The following ADK variants were observed in gnomAD, a reference collection of about 807,000 sequenced individuals.
The protein encoded by ADK is N6,N6-dimethyladenosine kinase.
ADK carries 24 observed loss-of-function variants against 44.7 expected under a neutral mutation model. That is an observed-to-expected ratio of 0.54 (90% CI 0.39 to 0.76). The LOEUF (loss-of-function observed/expected upper bound fraction) is 0.76, where lower values mean the gene tolerates loss of function less well. ADK is among the 30% of genes least tolerant of loss of function. The pLI, the probability that ADK is intolerant of heterozygous loss-of-function variation, is 0.00. For missense variants in ADK, 321 were observed against 425.1 expected (o/e 0.76, Z 2.15); for synonymous variants, 128 against 142.6 (o/e 0.90, Z 0.73).
intron 3 of ADK, among the ~76,000 whole-genome samples, chr10:74,233,593 G>A (rs1844858672): frequency 6.6e-6 from 1 of 152,146 alleles, no homozygotes; most frequent in Non-Finnish European, 1.5e-5. Context: ...TATAGGAGAG[G>A]AAATTAGGGG....
At chr10:74,555,855 G>T (rs1038438398) in intron 7 of ADK, among the ~76,000 whole-genome samples, 1 of 152,080 alleles carries the variant, frequency 6.6e-6, no homozygotes, top group African/African-American at 2.4e-5. Context: ...ACTTGAGTTG[G>T]TCCTAACAGT....
chr10:74,631,568 A>G (rs1025900276), intron 9 of ADK, among the ~76,000 whole-genome samples: 1 of 151,702 alleles, frequency 6.6e-6, no homozygotes, highest in Non-Finnish European at 1.5e-5. Flanking sequence ...CTGTGTATAT[A>G]TTTTTAAAAC....
At position 74,400,802 on chromosome 10, in the gene ADK, A is replaced by G. The variant is rs16931425; in HGVS notation, c.555+2223A>G. Among the ~76,000 whole-genome samples the G allele has an allele frequency of 4.9e-3, 747 of 152,202 alleles. 5 individuals are homozygous for G. Among genetic ancestry groups the G allele is most frequent in the African/African-American group, 0.017 (703 of 41,526 alleles). On this transcript the variant is annotated intron_variant, in intron 6 of 10. Coordinates refer to ENST00000539909, the MANE Select transcript of ADK (RefSeq NM_006721.4). The stretch of plus-strand genomic sequence containing the variant: ...TAACTAAAACATCTGTCTGCATCAC[A>G]TAAGCTAAACCAGATCTACATACTC...
chr10:74,550,318 G>A lies in ADK; in HGVS notation c.726+24892G>A, dbSNP rs546534733. The stretch of plus-strand genomic sequence containing the variant: ...ACTCCTGACCTCAGGCGATCCTCCC[G>A]CCTCAGCCTCCCAAAGTACTGGGAT... On this transcript the variant is annotated intron_variant, in intron 7 of 10. Transcript: ENST00000539909. Among the ~76,000 whole-genome samples the A allele has an allele frequency of 4.0e-5, 6 of 151,820 alleles. No individual in the cohort carries two copies. The East Asian group carries it at 5.8e-4, about 15-fold the overall frequency.
At position 74,274,167 on chromosome 10, in the gene ADK, G is replaced by A. The variant is rs922853559; in HGVS notation, c.195-40500G>A. Among the ~76,000 whole-genome samples, 11 of 152,070 alleles carry A rather than the reference G, an allele frequency of 7.2e-5. 1 individual carries two copies. The highest frequency in any genetic ancestry group is 7.2e-4 in the Admixed American group (11 of 15,272). On this transcript the variant is annotated intron_variant, in intron 3 of 10. Transcript: ENST00000539909. ...AACTTAACTATTAATAATCTACTGT[G>A]TACCAGAAGTCCTACCAGTAACATA...
At chr10:74,525,209 CTG>C in intron 6 of ADK, 45 bp from the exon 7 acceptor site, 1 of 1,549,304 alleles carries the variant, frequency 6.5e-7, no homozygotes. Context: ...CTGAGAGTGA[CTG>C]TGGAGATGGT....
At chr10:74,296,640 C>G (rs1839826617) in intron 3 of ADK, among the ~76,000 whole-genome samples, 1 of 140,902 alleles carries the variant, frequency 7.1e-6, no homozygotes. Flanking sequence ...GAGATGGAGT[C>G]TTGCTCTGTC....
chr10:74,178,347 A>C (rs1367868926), intron 1 of ADK, among the ~76,000 whole-genome samples: 1 of 152,228 alleles, frequency 6.6e-6, no homozygotes, highest in Non-Finnish European at 1.5e-5. Flanking sequence ...ATTTCACAGT[A>C]AATTATATTG....
At chr10:74,381,545 A>G (rs1842976849) in intron 4 of ADK, among the ~76,000 whole-genome samples, 2 of 152,232 alleles carry the variant, frequency 1.3e-5, no homozygotes, top group Admixed American at 1.3e-4. Context: ...CATAAAGCAC[A>G]GACGATTGTG....
Position 74,330,831 on chromosome 10 carries a change from A to G in ADK, c.273+16086A>G, listed in dbSNP as rs564053157. Among the ~76,000 whole-genome samples, 3 of 152,312 alleles carry G rather than the reference A, an allele frequency of 2.0e-5. No individual in the cohort carries two copies. The South Asian group carries it at 6.2e-4, about 32-fold the overall frequency. On this transcript the variant is annotated intron_variant, in intron 4 of 10. Coordinates refer to ENST00000539909, the MANE Select transcript of ADK (RefSeq NM_006721.4). ...CGACTACAACCTGATGAGACACCCC[A>G]AGAGAGAACTGTTCCACTAAGCTGC...
chr10:74,618,940 T>C (rs1418641079), intron 9 of ADK, among the ~76,000 whole-genome samples: 1 of 152,092 alleles, frequency 6.6e-6, no homozygotes, highest in Non-Finnish European at 1.5e-5. Context: ...ATACTAGAAC[T>C]GTTTATACTT....
intron 3 of ADK, among the ~76,000 whole-genome samples, chr10:74,246,942 AAAT>A (rs1845435598): frequency 6.6e-6 from 1 of 151,988 alleles, no homozygotes; most frequent in Non-Finnish European, 1.5e-5. Flanking sequence ...TTTATTCTTA[AAAT>A]AATAAATATT....
intron 10 of ADK, among the ~76,000 whole-genome samples, chr10:74,703,419 C>CTGCAG (rs1270166453): frequency 6.6e-6 from 1 of 151,840 alleles, no homozygotes; most frequent in East Asian, 1.9e-4. Context: ...GGAGTTGAGG[C>CTGCAG]TGCAGTGAGC....
At chr10:74,491,795 T>C (rs914692052) in intron 6 of ADK, among the ~76,000 whole-genome samples, 2 of 152,154 alleles carry the variant, frequency 1.3e-5, no homozygotes, top group African/African-American at 4.8e-5. Context: ...AATTTGTGTG[T>C]GTGTGTTGCT....
At chr10:74,361,045 C>T (rs973513802) in intron 4 of ADK, among the ~76,000 whole-genome samples, 32 of 152,100 alleles carry the variant, frequency 2.1e-4, no homozygotes, top group African/African-American at 7.7e-4. Context: ...GTAGCTGGGA[C>T]TACAGGCGTG....
intron 3 of ADK, among the ~76,000 whole-genome samples, chr10:74,227,399 A>C (rs1434090253): frequency 1.3e-5 from 2 of 152,182 alleles, no homozygotes; most frequent in Non-Finnish European, 2.9e-5. Context: ...TGATAGCTCT[A>C]ATTATCTTGA....
chr10:74,481,332 A>G (rs2133352634), intron 6 of ADK, among the ~76,000 whole-genome samples: 1 of 152,198 alleles, frequency 6.6e-6, no homozygotes, highest in African/African-American at 2.4e-5. Context: ...ATTATCTTAG[A>G]TTCACTTTTC....
intron 2 of ADK, among the ~76,000 whole-genome samples, chr10:74,216,390 A>T (rs542338119): frequency 7.2e-4 from 110 of 152,122 alleles, no homozygotes; most frequent in African/African-American, 2.1e-3. Flanking sequence ...TGCCTTCAAA[A>T]TGTTGCTTCT....
intron 4 of ADK, among the ~76,000 whole-genome samples, chr10:74,321,504 G>A (rs1840807707): frequency 6.6e-6 from 1 of 152,062 alleles, no homozygotes; most frequent in Non-Finnish European, 1.5e-5. Flanking sequence ...GGCTGGTCTT[G>A]AACTCCTGGG....
Sources: allele counts gnomAD v4.1 joint callset (sites outside exome capture counted in the v4.1 genomes callset), GRCh38; gene constraint gnomAD v4.1.1; transcripts MANE v1.5; gene names NCBI Gene and HGNC (gene_info 2026-07-23, HGNC 2026-07-21).